The following FRS2 variants were observed in gnomAD, a reference collection of about 807,000 sequenced individuals.
The protein encoded by FRS2 is FGFR signalling adaptor.
Under a neutral mutation model 43.9 loss-of-function variants are expected in FRS2, and 8 were observed. That is an observed-to-expected ratio of 0.18 (90% CI 0.11 to 0.33). The LOEUF (loss-of-function observed/expected upper bound fraction) is 0.33, where lower values mean the gene tolerates loss of function less well. FRS2 is among the 10% of genes least tolerant of loss of function. The pLI is 1.00. For synonymous variants in FRS2, 219 were observed against 220.3 expected (o/e 0.99, Z 0.05); for missense variants, 534 against 627.6 (o/e 0.85, Z 1.59).
chr12:69,574,028 A>G lies in FRS2; in HGVS notation c.600A>G (p.Thr200=). The change falls in exon 9 of 9, where the codon ACA becomes ACG. Residue 200 remains threonine, a synonymous_variant. Coordinates refer to ENST00000549921, the MANE Select transcript of FRS2 (RefSeq NM_001278356.2). ...EEQVHTYVNT[T]GVQEERKNRT... is the part of the protein sequence containing the mutation. ...AGGTACATACCTATGTCAACACTAC[A>G]GGTGTGCAAGAAGAGCGGAAAAACC... is the stretch of plus-strand genomic sequence containing the variant. 3.7e-6 allele frequency: 6 copies of G among 1,613,024 alleles called. No individual in the cohort carries two copies. The highest frequency in any genetic ancestry group is 5.1e-6 in the Non-Finnish European group (6 of 1,179,510).
At chr12:69,472,657 A>T (rs1870416308) in intron 1 of FRS2, among the ~76,000 whole-genome samples, 1 of 152,208 alleles carries the variant, frequency 6.6e-6, no homozygotes, top group Non-Finnish European at 1.5e-5. Context: ...ACAAACACTG[A>T]GCATTTGCTA....
At chr12:69,536,590 T>C (rs710782) in intron 3 of FRS2, among the ~76,000 whole-genome samples, 13,935 of 136,018 alleles carry the variant, frequency 0.1, 844 homozygotes, top group Non-Finnish European at 0.15. Flanking sequence ...TTTTTTTTTT[T>C]CTTTTTTGAG....
Position 69,574,708 on chromosome 12 carries a change from C to T in FRS2, c.1280C>T (p.Pro427Leu). The change falls in exon 9 of 9, where the codon CCA becomes CTA. Residue 427 changes from proline to leucine, a missense_variant. Coordinates refer to ENST00000549921, the MANE Select transcript of FRS2 (RefSeq NM_001278356.2). ...PTVFNFDIRRPSLEHRQLNYI... is the reference protein window; with the variant it reads ...PTVFNFDIRRLSLEHRQLNYI... ...GTCTTTAACTTTGATATCAGACGCC[C>T]AAGTTTAGAACACAGGCAGCTTAAT... The T allele has an allele frequency of 6.2e-7, 1 of 1,614,090 alleles. No individual in the cohort carries two copies. The highest frequency in any genetic ancestry group is 8.5e-7 in the Non-Finnish European group (1 of 1,179,974).
rs1048742417 is a variant in FRS2, at chr12:69,477,865, C to T, written c.-261+7335C>T. On this transcript the variant is annotated intron_variant, in intron 1 of 8. Transcript: ENST00000549921. ...ACGCCATTCTCCTGCCTCAGCCTCC[C>T]GAATAGCTGGGACTACAGGCGCCCA... 4.0e-5 allele frequency among the ~76,000 whole-genome samples: 6 copies of T among 151,428 alleles called. No homozygotes were observed. In the South Asian group the frequency reaches 8.3e-4, roughly 21 times the overall value.
At chr12:69,537,187 T>C (rs7133271) in intron 3 of FRS2, among the ~76,000 whole-genome samples, 2,703 of 152,318 alleles carry the variant, frequency 0.018, 85 homozygotes, top group African/African-American at 0.06. Flanking sequence ...TCTGTTATCT[T>C]AGTTTTGGCA....
At chr12:69,498,443 C>T (rs1376536262) in intron 1 of FRS2, among the ~76,000 whole-genome samples, 1 of 151,750 alleles carries the variant, frequency 6.6e-6, no homozygotes, top group African/African-American at 2.4e-5. Flanking sequence ...GTCCAACCTG[C>T]GGTTCATGCG....
At chr12:69,508,213 G>A (rs1213534891) in intron 1 of FRS2, among the ~76,000 whole-genome samples, 4 of 152,006 alleles carry the variant, frequency 2.6e-5, no homozygotes, top group Non-Finnish European at 5.9e-5. Flanking sequence ...ACTATTGCTG[G>A]TGTTTACAAA....
chr12:69,502,971 G>A (rs1204239653), intron 1 of FRS2, among the ~76,000 whole-genome samples: 1 of 152,180 alleles, frequency 6.6e-6, no homozygotes, highest in Non-Finnish European at 1.5e-5. Flanking sequence ...CATAAATTCA[G>A]TGGCACCCAC....
At chr12:69,491,504 C>CTTTTTT (rs1181575947) in intron 1 of FRS2, 1 of 113,968 alleles carries the variant, frequency 8.8e-6, no homozygotes. Flanking sequence ...GCGTTTCTTC[C>CTTTTTT]ATTTTTTTTT....
At chr12:69,522,335 A>T (rs1478170852) in intron 1 of FRS2, among the ~76,000 whole-genome samples, 1 of 151,642 alleles carries the variant, frequency 6.6e-6, no homozygotes, top group Non-Finnish European at 1.5e-5. Context: ...TTCAGTACAG[A>T]TGGTACTAGC....
At chr12:69,509,148 A>G (rs1471343302) in intron 1 of FRS2, among the ~76,000 whole-genome samples, 1 of 151,760 alleles carries the variant, frequency 6.6e-6, no homozygotes, top group Non-Finnish European at 1.5e-5. Context: ...CTGCATCCTG[A>G]GCAGAATTTC....
chr12:69,566,627 A>G (rs929917804), intron 4 of FRS2, among the ~76,000 whole-genome samples: 1 of 145,902 alleles, frequency 6.9e-6, no homozygotes, highest in African/African-American at 2.6e-5. Flanking sequence ...AAAAAAAAAA[A>G]GAATATGTGC....
In FRS2 at chr12:69,477,935, G is replaced by A. The variant is rs1449483436; in HGVS notation, c.-261+7405G>A. 4.6e-5 allele frequency among the ~76,000 whole-genome samples: 7 copies of A among 151,166 alleles called. No individual in the cohort carries two copies. In the East Asian group the frequency reaches 1.4e-3, roughly 30 times the overall value. On this transcript the variant is annotated intron_variant, in intron 1 of 8. Coordinates refer to ENST00000549921, the MANE Select transcript of FRS2 (RefSeq NM_001278356.2). The stretch of plus-strand genomic sequence containing the variant: ...TTTTGTATTTTTTAGTAGAGACGGG[G>A]TTTCACCATGTTAGCCAGGATGGTC...
At chr12:69,520,739 T>A (rs1447728930) in intron 1 of FRS2, among the ~76,000 whole-genome samples, 1 of 152,142 alleles carries the variant, frequency 6.6e-6, no homozygotes, top group African/African-American at 2.4e-5. Flanking sequence ...TGTGCGGCCG[T>A]ATTTTTTTGC....
intron 3 of FRS2, among the ~76,000 whole-genome samples, chr12:69,544,149 T>C (rs566420290): frequency 3.3e-5 from 5 of 151,652 alleles, no homozygotes; most frequent in Non-Finnish European, 5.9e-5. Context: ...GAAAACTTCT[T>C]AAAAATGCAA....
chr12:69,499,459 T>C (rs1331886153), intron 1 of FRS2, among the ~76,000 whole-genome samples: 2 of 152,182 alleles, frequency 1.3e-5, no homozygotes, highest in East Asian at 1.9e-4. Context: ...ATGTACCATG[T>C]AGAAATGACC....
At chr12:69,572,885 C>T (rs1473559895) in intron 8 of FRS2, among the ~76,000 whole-genome samples, 1 of 152,218 alleles carries the variant, frequency 6.6e-6, no homozygotes, top group Non-Finnish European at 1.5e-5. Context: ...GGCTGGAGTG[C>T]AGTGGCATGA....
intron 1 of FRS2, among the ~76,000 whole-genome samples, chr12:69,502,111 A>G (rs1592947395): frequency 6.6e-6 from 1 of 151,906 alleles, no homozygotes; most frequent in South Asian, 2.1e-4. Flanking sequence ...GTTTATAGGC[A>G]CCTGCCACCA....
At chr12:69,538,197 T>TTTTA (rs869192774) in intron 3 of FRS2, among the ~76,000 whole-genome samples, 3 of 81,636 alleles carry the variant, frequency 3.7e-5, no homozygotes, top group Non-Finnish European at 7.0e-5. Context: ...AAAACAAATT[T>TTTTA]TATATATATA....
Sources: allele counts gnomAD v4.1 joint callset (sites outside exome capture counted in the v4.1 genomes callset), GRCh38; gene constraint gnomAD v4.1.1; transcripts MANE v1.5; gene names NCBI Gene and HGNC (gene_info 2026-07-23, HGNC 2026-07-21).